Variants in ARIH1 observed in about 807,000 individuals in gnomAD.
ARIH1 encodes the protein ariadne RBR E3 ubiquitin protein ligase 1.
Under a neutral mutation model 85.0 loss-of-function variants are expected in ARIH1, and 8 were observed. The observed-to-expected ratio is 0.09, with a 90% CI of 0.06 to 0.17. ARIH1 has a LOEUF of 0.17. Among genes scored for constraint, ARIH1 ranks in the 10% least tolerant of loss-of-function variants. The probability of loss-of-function intolerance (pLI) is 1.00; values close to 1 mark genes in which losing one functional copy is unlikely to be tolerated. For missense variants in ARIH1, 311 were observed against 718.1 expected (o/e 0.43, Z 6.48); for synonymous variants, 238 against 253.6 (o/e 0.94, Z 0.59).
chr15:72,486,551 T>C (rs1252312841), intron 1 of ARIH1, among the ~76,000 whole-genome samples: 2 of 152,130 alleles, frequency 1.3e-5, no homozygotes, highest in African/African-American at 4.8e-5. Context: ...TGGGGTATAG[T>C]TGATGCCCAG....
At chr15:72,508,433 G>A (rs992613106) in intron 1 of ARIH1, among the ~76,000 whole-genome samples, 1 of 152,154 alleles carries the variant, frequency 6.6e-6, no homozygotes, top group East Asian at 1.9e-4. Flanking sequence ...TCCTTGTAGG[G>A]AGTGGTGCTA....
At chr15:72,482,382 T>G (rs1021205793) in intron 1 of ARIH1, among the ~76,000 whole-genome samples, 4 of 151,896 alleles carry the variant, frequency 2.6e-5, no homozygotes, top group African/African-American at 9.7e-5. Flanking sequence ...GTAATTTAAA[T>G]AAGTGGATAG....
At chr15:72,481,089 C>T (rs1263708959) in intron 1 of ARIH1, among the ~76,000 whole-genome samples, 1 of 152,154 alleles carries the variant, frequency 6.6e-6, no homozygotes, top group African/African-American at 2.4e-5. Context: ...TGTGCAGGCA[C>T]ATGTGTTTTG....
At chr15:72,530,234 T>G (rs1394957006) in intron 2 of ARIH1, among the ~76,000 whole-genome samples, 1 of 152,156 alleles carries the variant, frequency 6.6e-6, no homozygotes. Flanking sequence ...TATCAAATAA[T>G]TAGTAAGATA....
At chr15:72,532,858 T>A (rs2064063795) in intron 2 of ARIH1, among the ~76,000 whole-genome samples, 1 of 152,252 alleles carries the variant, frequency 6.6e-6, no homozygotes, top group Admixed American at 6.5e-5. Flanking sequence ...ATTTCAGAGA[T>A]GCCAAGGAGC....
In ARIH1 at chr15:72,474,991, C is replaced by G; in HGVS notation, c.352C>G (p.Arg118Gly). The G allele has an allele frequency of 6.4e-7, 1 of 1,558,790 alleles. No individual in the cohort carries two copies. The highest frequency in any genetic ancestry group is 1.9e-5 in the Admixed American group (1 of 51,426). The change falls in exon 1 of 14, where the codon CGG becomes GGG. Residue 118 changes from arginine (R) to glycine (G), a missense_variant. This residue lies in a region of ARIH1 where 157 missense variants were observed against 185.1 expected (regional missense o/e 0.85). Transcript: ENST00000379887. ...QILQHMVECI[R>G]EVNEVIQNPA... Reference sequence around the variant, plus strand: ...TCTACAACACATGGTGGAATGTATCCGGGAGGTCAACGAGGTCATCCAGGT... The same window carrying G: ...TCTACAACACATGGTGGAATGTATCGGGGAGGTCAACGAGGTCATCCAGGT...
At chr15:72,528,550 T>C (rs1288955028) in intron 2 of ARIH1, among the ~76,000 whole-genome samples, 1 of 152,150 alleles carries the variant, frequency 6.6e-6, no homozygotes, top group African/African-American at 2.4e-5. Flanking sequence ...ACAGTGAAAT[T>C]TTTCCTGTTT....
Position 72,582,876 on chromosome 15 carries a change from T to C in ARIH1, c.1590-332T>C, listed in dbSNP as rs937904859. 6.6e-6 allele frequency among the ~76,000 whole-genome samples: 1 copy of C among 152,182 alleles called. No individual in the cohort carries two copies. Among genetic ancestry groups the C allele is most frequent in the Non-Finnish European group, 1.5e-5 (1 of 68,032 alleles). ...TTGACAGAGATTTTAAGGACGTGAA[T>C]AAAGAACCCATGAAATTATTTCTGA... On this transcript the variant is annotated intron_variant, in intron 13 of 13. Transcript: ENST00000379887. The surrounding 1 kb of genome is among the most constrained non-coding windows in gnomAD (Gnocchi z 4.6).
intron 1 of ARIH1, among the ~76,000 whole-genome samples, chr15:72,503,995 T>G (rs2063914099): frequency 6.6e-6 from 1 of 152,230 alleles, no homozygotes; most frequent in South Asian, 2.1e-4. Context: ...CTCCTTGCCT[T>G]GTTGCGTGGG....
intron 4 of ARIH1, among the ~76,000 whole-genome samples, chr15:72,555,647 T>TA (rs1438524604): frequency 6.6e-6 from 1 of 152,210 alleles, no homozygotes; most frequent in Admixed American, 6.5e-5. Context: ...ATTGTGTGTT[T>TA]AAAAACCAAT....
chr15:72,511,637 G>A (rs969067198), intron 1 of ARIH1, among the ~76,000 whole-genome samples: 3 of 152,102 alleles, frequency 2.0e-5, no homozygotes, highest in African/African-American at 7.2e-5. Flanking sequence ...CTTGGACTTC[G>A]CTAAACTCAT....
At chr15:72,569,956 G>A (rs777155547) in intron 9 of ARIH1, among the ~76,000 whole-genome samples, 6 of 152,116 alleles carry the variant, frequency 3.9e-5, no homozygotes, top group Non-Finnish European at 7.4e-5. Context: ...AAAAAAACAA[G>A]TCCTTAAATT....
chr15:72,578,838 G>T (rs1484112572), intron 11 of ARIH1, among the ~76,000 whole-genome samples: 3 of 146,304 alleles, frequency 2.1e-5, no homozygotes, highest in Admixed American at 6.9e-5. Flanking sequence ...TTTTTCAGAG[G>T]TAGAGTCTCG....
chr15:72,536,687 C>T (rs2064083364), intron 2 of ARIH1, among the ~76,000 whole-genome samples: 1 of 152,124 alleles, frequency 6.6e-6, no homozygotes, highest in South Asian at 2.1e-4. Context: ...ATCTTAACAT[C>T]TGTTTCACTG....
At chr15:72,498,252 T>A (rs2140400043) in intron 1 of ARIH1, among the ~76,000 whole-genome samples, 1 of 152,292 alleles carries the variant, frequency 6.6e-6, no homozygotes, top group East Asian at 1.9e-4. Context: ...TGTTTTTTTT[T>A]TAAATAAAAA....
At chr15:72,494,110 T>C (rs571991882) in intron 1 of ARIH1, among the ~76,000 whole-genome samples, 161 of 152,314 alleles carry the variant, frequency 1.1e-3, no homozygotes, top group African/African-American at 3.6e-3. Context: ...TATGAATTTC[T>C]GAGGTTAGTG....
At chr15:72,516,489 T>G (rs981754881) in intron 1 of ARIH1, among the ~76,000 whole-genome samples, 1 of 152,364 alleles carries the variant, frequency 6.6e-6, no homozygotes, top group Non-Finnish European at 1.5e-5. Context: ...TGTTTTCTGT[T>G]TTCTCTACAA....
At chr15:72,537,907 CATACATGG>C in intron 2 of ARIH1, among the ~76,000 whole-genome samples, 1 of 152,288 alleles carries the variant, frequency 6.6e-6, no homozygotes, top group South Asian at 2.1e-4. Flanking sequence ...TATACATTTT[CATACATGG>C]ATACATATAA....
At chr15:72,537,093 T>TTTGTTGTTGTTG in intron 2 of ARIH1, among the ~76,000 whole-genome samples, 1 of 151,254 alleles carries the variant, frequency 6.6e-6, no homozygotes, top group South Asian at 2.1e-4. Context: ...AGTTCTCATT[T>TTTGTTGTTGTTG]TTGTTGTTGT....
Sources: allele counts gnomAD v4.1 joint callset (sites outside exome capture counted in the v4.1 genomes callset), GRCh38; gene constraint gnomAD v4.1.1; regional missense constraint gnomAD v4.1.1; non-coding constraint Gnocchi (gnomAD v3.1); transcripts MANE v1.5; gene names NCBI Gene and HGNC (gene_info 2026-07-23, HGNC 2026-07-21).